Variants in SANBR observed in about 807,000 individuals in gnomAD.
SANBR encodes SANT and BTB domain regulator of CSR.
SANBR carries 77 observed loss-of-function variants against 101.8 expected under a neutral mutation model. The observed-to-expected ratio is 0.76, with a 90% CI of 0.63 to 0.91. SANBR has a LOEUF of 0.91. SANBR is among the 40% of genes least tolerant of loss of function. The pLI, the probability that SANBR is intolerant of heterozygous loss-of-function variation, is 0.00. For missense variants in SANBR, 875 were observed against 853.0 expected (o/e 1.03, Z -0.32); for synonymous variants, 279 against 274.7 (o/e 1.02, Z -0.15).
At chr2:61,079,037 T>G (rs1681946527) in intron 6 of SANBR, among the ~76,000 whole-genome samples, 1 of 147,164 alleles carries the variant, frequency 6.8e-6, no homozygotes, top group Admixed American at 6.8e-5. Flanking sequence ...AGACCCTTTC[T>G]AAAAAAAAAA....
chr2:61,134,452 C>A (rs1178727910), intron 21 of SANBR, among the ~76,000 whole-genome samples: 1 of 152,196 alleles, frequency 6.6e-6, no homozygotes, highest in African/African-American at 2.4e-5. Context: ...CTGCTCAAAT[C>A]TCCTCTTTCA....
chr2:61,101,619 G>C (rs553238460), intron 12 of SANBR, among the ~76,000 whole-genome samples: 47 of 152,200 alleles, frequency 3.1e-4, no homozygotes, highest in Admixed American at 1.0e-3. Flanking sequence ...TATAGTTCCA[G>C]CTACTCGGGA....
At chr2:61,069,668 A>G (rs1237129452) in intron 2 of SANBR, 1 of 152,374 alleles carries the variant, frequency 6.6e-6, no homozygotes, top group East Asian at 1.9e-4. Context: ...TGCCTGGCAC[A>G]CAGTGATGGC....
chr2:61,070,500 G>T lies in SANBR; in HGVS notation c.150G>T (p.Glu50Asp). ...ARLVPGLTPK[E>D]CAKRFDELKS... ...TCGTGCCTGGATTAACACCAAAAGA[G>T]GTAAATAACAGTCCCCCCAGAATAT... The change falls in exon 3 of 22, where the codon GAG (glutamate) becomes GAT (aspartate). Residue 50 changes from glutamate (E) to aspartate (D), a missense_variant and splice_region_variant. Coordinates refer to ENST00000402291, the MANE Select transcript of SANBR (RefSeq NM_001129993.3). 1 of 1,601,506 alleles carries T rather than the reference G, an allele frequency of 6.2e-7. No individual in the cohort carries two copies. The highest frequency in any genetic ancestry group is 1.7e-5 in the Admixed American group (1 of 57,448).
Position 61,121,294 on chromosome 2 carries a change from AAACCAGAGTGT to A in SANBR, c.2120+19_2120+29del. Reference sequence around the variant, plus strand: ...AACACAAGGTAAATCAGCATAAACTAAACCAGAGTGTCAGTGGCTTTGAAGTGAATTTTTTT... The same window carrying A: ...AACACAAGGTAAATCAGCATAAACTACAGTGGCTTTGAAGTGAATTTTTTT... On this transcript the variant is annotated intron_variant, in intron 21 of 21. Coordinates refer to ENST00000402291, the MANE Select transcript of SANBR (RefSeq NM_001129993.3). The A allele has an allele frequency of 6.5e-7, 1 of 1,535,002 alleles. No homozygotes were observed. Among genetic ancestry groups the A allele is most frequent in the Non-Finnish European group, 8.8e-7 (1 of 1,132,666 alleles).
chr2:61,117,282 CTTT>C, intron 17 of SANBR, 72 bp from the exon 18 acceptor site: 3 of 1,359,616 alleles, frequency 2.2e-6, no homozygotes, highest in Admixed American at 1.7e-5. Context: ...AGAGTGAACT[CTTT>C]TTATTACTAA....
chr2:61,092,530 T>G lies in SANBR; in HGVS notation c.1155T>G (p.Asp385Glu), dbSNP rs1682816394. The G allele has an allele frequency of 1.9e-6, 3 of 1,607,960 alleles. No individual in the cohort carries two copies. Among genetic ancestry groups the G allele is most frequent in the Non-Finnish European group, 2.5e-6 (3 of 1,177,146 alleles). ...SLFEELKSWRDVYWRLWGTIN... is the reference protein window; with the variant it reads ...SLFEELKSWREVYWRLWGTIN... Reference sequence around the variant, plus strand: ...TCGAAGAATTAAAATCTTGGAGAGATGTATACTGGCGATTGTGGGGAACAA... The same window carrying G: ...TCGAAGAATTAAAATCTTGGAGAGAGGTATACTGGCGATTGTGGGGAACAA... The change falls in exon 11 of 22, where the codon GAT becomes GAG. Residue 385 changes from aspartate (D) to glutamate (E), a missense_variant. Physicochemically the swap from Asp to Glu is conservative, Grantham distance 45. Transcript: ENST00000402291.
At chr2:61,086,464 A>G (rs1363355915) in intron 8 of SANBR, among the ~76,000 whole-genome samples, 1 of 152,158 alleles carries the variant, frequency 6.6e-6, no homozygotes, top group East Asian at 1.9e-4. Flanking sequence ...GATAAAGGCT[A>G]CCCAATATTT....
At chr2:61,068,468 G>T (rs964525264) in intron 1 of SANBR, among the ~76,000 whole-genome samples, 3 of 152,196 alleles carry the variant, frequency 2.0e-5, no homozygotes, top group Non-Finnish European at 2.9e-5. Flanking sequence ...AGCACCTTTT[G>T]TATGCCAGAC....
At chr2:61,131,261 A>G (rs1300252563) in intron 20 of SANBR, among the ~76,000 whole-genome samples, 2 of 152,192 alleles carry the variant, frequency 1.3e-5, no homozygotes, top group Non-Finnish European at 2.9e-5. Flanking sequence ...GTAAAACTGT[A>G]TCTATTTAGA....
chr2:61,135,318 C>A (rs1323755153), intron 21 of SANBR, among the ~76,000 whole-genome samples: 1 of 152,136 alleles, frequency 6.6e-6, no homozygotes, highest in Non-Finnish European at 1.5e-5. Flanking sequence ...CATTTTTAGC[C>A]ATGATTAGTC....
chr2:61,101,476 G>A (rs145074607), intron 12 of SANBR, among the ~76,000 whole-genome samples: 1 of 152,352 alleles, frequency 6.6e-6, no homozygotes, highest in Admixed American at 6.5e-5. Context: ...GCTCACGCCT[G>A]TAATCCCAGC....
intron 19 of SANBR, 47 bp downstream of exon 19, chr2:61,117,587 A>C: frequency 4.8e-6 from 7 of 1,453,142 alleles, no homozygotes; most frequent in Non-Finnish European, 6.8e-6. Context: ...GTAAATAGCA[A>C]TGATTGGTGT....
chr2:61,117,981 T>C (rs779402226), intron 19 of SANBR, 47 bp from the exon 20 acceptor site: 44 of 1,390,890 alleles, frequency 3.2e-5, no homozygotes, highest in South Asian at 2.0e-4. Flanking sequence ...TAAAAAGTTA[T>C]ATATCATCCT....
At chr2:61,129,416 C>A (rs188243957) in intron 20 of SANBR, among the ~76,000 whole-genome samples, 2 of 150,178 alleles carry the variant, frequency 1.3e-5, no homozygotes, top group East Asian at 1.9e-4. Flanking sequence ...TGCACTCCAA[C>A]GTGAGCAACA....
Position 61,104,006 on chromosome 2 carries a change from G to C in SANBR, c.1511+8G>C, listed in dbSNP as rs755567924. ...TTCAAAAGATACAGTTAGGTGAGGG[G>C]TGGAAAAACCCAACACTGTATTATA... On this transcript the variant is annotated splice_region_variant and intron_variant, in intron 13 of 21. Coordinates refer to ENST00000402291, the MANE Select transcript of SANBR (RefSeq NM_001129993.3). 1 of 1,613,256 alleles carries C rather than the reference G, an allele frequency of 6.2e-7. No homozygotes were observed. Among genetic ancestry groups the C allele is most frequent in the South Asian group, 1.1e-5 (1 of 90,980 alleles).
chr2:61,076,229 G>A (rs921539488), intron 5 of SANBR, among the ~76,000 whole-genome samples: 2 of 150,378 alleles, frequency 1.3e-5, no homozygotes, highest in South Asian at 2.1e-4. Context: ...TCCTGACCTC[G>A]TGATCCACCC....
chr2:61,104,818 C>T (rs932448588), intron 13 of SANBR, among the ~76,000 whole-genome samples: 3 of 150,416 alleles, frequency 2.0e-5, no homozygotes, highest in African/African-American at 7.4e-5. Context: ...CCTTTAATCC[C>T]AGCACTTTGG....
intron 2 of SANBR, among the ~76,000 whole-genome samples, chr2:61,070,012 T>A (rs115988110): frequency 0.025 from 3,801 of 152,294 alleles, 142 homozygotes; most frequent in African/African-American, 0.086. Context: ...AGCGCTGTGA[T>A]CTTGTAAAAA....
Sources: gnomAD v4.1 joint callset for allele counts (sites outside exome capture counted in the v4.1 genomes callset) on GRCh38, gnomAD v4.1.1 for gene constraint, MANE v1.5 for transcripts, NCBI Gene and HGNC (gene_info 2026-07-23, HGNC 2026-07-21) for gene names.